TTC27: variants seen among roughly 807,000 people sequenced by gnomAD.
TTC27 encodes the protein tetratricopeptide repeat protein 27.
TTC27 carries 79 observed loss-of-function variants against 115.9 expected under a neutral mutation model. The observed-to-expected ratio is 0.68, with a 90% CI of 0.57 to 0.82. The LOEUF (loss-of-function observed/expected upper bound fraction) is 0.82. Ranked by LOEUF, TTC27 falls within the 40% of genes least tolerant of loss-of-function variation. The probability of loss-of-function intolerance (pLI) is 0.00; values close to 1 mark genes in which losing one functional copy is unlikely to be tolerated. For synonymous variants in TTC27, 401 were observed against 356.0 expected (o/e 1.13, Z -1.42); for missense variants, 1,054 against 993.1 (o/e 1.06, Z -0.82).
intron 15 of TTC27, among the ~76,000 whole-genome samples, chr2:32,784,397 G>C (rs1670282159): frequency 6.6e-6 from 1 of 152,106 alleles, no homozygotes; most frequent in African/African-American, 2.4e-5. Flanking sequence ...TAATGGGATT[G>C]TTACTTCTGA....
chr2:32,712,628 C>T (rs923584133), intron 10 of TTC27, among the ~76,000 whole-genome samples: 6 of 151,650 alleles, frequency 4.0e-5, no homozygotes, highest in Admixed American at 1.3e-4. Flanking sequence ...GGCATGATCT[C>T]GGGACTGCGA....
intron 13 of TTC27, among the ~76,000 whole-genome samples, chr2:32,762,276 AG>A (rs1420343401): frequency 7.3e-6 from 1 of 136,236 alleles, no homozygotes; most frequent in Non-Finnish European, 1.6e-5. Flanking sequence ...CACAGAGAGA[AG>A]TGTGTGTGTG....
chr2:32,768,320 C>T (rs1444004204), intron 13 of TTC27, among the ~76,000 whole-genome samples: 1 of 152,070 alleles, frequency 6.6e-6, no homozygotes, highest in African/African-American at 2.4e-5. Flanking sequence ...GGAGTAAAAC[C>T]AATTTATTGA....
intron 4 of TTC27, among the ~76,000 whole-genome samples, chr2:32,647,128 G>A (rs1664896073): frequency 6.6e-6 from 1 of 151,776 alleles, no homozygotes. Context: ...AACAATTTTT[G>A]TAGAAATGGG....
chr2:32,777,333 C>T (rs560428861), intron 13 of TTC27, among the ~76,000 whole-genome samples: 1 of 152,370 alleles, frequency 6.6e-6, no homozygotes, highest in East Asian at 1.9e-4. Context: ...TCACCGCCCC[C>T]AACCCCAATA....
At chr2:32,779,529 A>G (rs1233658450) in intron 14 of TTC27, among the ~76,000 whole-genome samples, 3 of 151,720 alleles carry the variant, frequency 2.0e-5, no homozygotes, top group Admixed American at 6.6e-5. Context: ...AGTTCTTTCT[A>G]TATTCTAGCT....
chr2:32,676,573 C>T (rs2151886760), intron 8 of TTC27, among the ~76,000 whole-genome samples: 1 of 146,248 alleles, frequency 6.8e-6, no homozygotes, highest in African/African-American at 2.5e-5. Flanking sequence ...CTCACTGCAA[C>T]CTCTGCGTCC....
chr2:32,685,747 G>A (rs1436515897), intron 9 of TTC27, among the ~76,000 whole-genome samples: 1 of 152,178 alleles, frequency 6.6e-6, no homozygotes, highest in African/African-American at 2.4e-5. Flanking sequence ...AGTGCATCTA[G>A]CTAAAATCAT....
At chr2:32,763,782 C>T (rs1669527229) in intron 13 of TTC27, among the ~76,000 whole-genome samples, 1 of 152,190 alleles carries the variant, frequency 6.6e-6, no homozygotes, top group South Asian at 2.1e-4. Flanking sequence ...CTATTGTTCA[C>T]TTATACCCAC....
chr2:32,775,409 A>G (rs1032656972), intron 13 of TTC27, among the ~76,000 whole-genome samples: 11 of 152,174 alleles, frequency 7.2e-5, no homozygotes, highest in African/African-American at 2.4e-4. Context: ...CGTGTTAGCC[A>G]GGATGGTCTC....
chr2:32,702,021 A>AAAACG (rs1667203185), intron 9 of TTC27, among the ~76,000 whole-genome samples: 1 of 20,528 alleles, frequency 4.9e-5, no homozygotes, highest in Non-Finnish European at 1.1e-4. Flanking sequence ...AAAAAAAAAA[A>AAAACG]AAAACAAAAA....
intron 10 of TTC27, among the ~76,000 whole-genome samples, chr2:32,708,316 T>G (rs1667454792): frequency 7.5e-6 from 1 of 133,342 alleles, no homozygotes; most frequent in Admixed American, 7.4e-5. Flanking sequence ...TTTTTTTTTT[T>G]TTTTTTTTTT....
At chr2:32,761,829 G>C (rs1669446991) in intron 13 of TTC27, among the ~76,000 whole-genome samples, 1 of 152,074 alleles carries the variant, frequency 6.6e-6, no homozygotes, top group Non-Finnish European at 1.5e-5. Flanking sequence ...GTCTTCACTA[G>C]AATGTAAGGC....
chr2:32,674,939 G>A (rs1023037683), intron 8 of TTC27, among the ~76,000 whole-genome samples: 9 of 152,132 alleles, frequency 5.9e-5, no homozygotes, highest in African/African-American at 1.9e-4. Flanking sequence ...TGGGATTACA[G>A]GCGTGAGCCA....
At chr2:32,701,892 T>G (rs987626380) in intron 9 of TTC27, among the ~76,000 whole-genome samples, 2 of 151,654 alleles carry the variant, frequency 1.3e-5, no homozygotes, top group African/African-American at 4.8e-5. Context: ...AGGCCTGCCG[T>G]CCAAGCTACT....
chr2:32,818,357 A>G (rs1412872181), intron 19 of TTC27, among the ~76,000 whole-genome samples: 2 of 152,244 alleles, frequency 1.3e-5, no homozygotes, highest in Non-Finnish European at 2.9e-5. Flanking sequence ...TTAGATAAAA[A>G]TATTAAGTAG....
Position 32,817,571 on chromosome 2 carries a change from G to C in TTC27, c.2409+14G>C, listed in dbSNP as rs1671547744. On this transcript the variant is annotated intron_variant, in intron 19 of 19. Transcript: ENST00000317907. ...TCTAAAGCAAAGGTGAGAGTGACATGTGAATTAATTGGAATTGTCATATAG... is the reference window on the plus strand; with the variant it reads ...TCTAAAGCAAAGGTGAGAGTGACATCTGAATTAATTGGAATTGTCATATAG... The C allele has an allele frequency of 6.2e-7, 1 of 1,601,902 alleles. No homozygotes were observed. The highest frequency in any genetic ancestry group is 1.3e-5 in the African/African-American group (1 of 74,642).
At chr2:32,794,046 C>T (rs220660) in intron 16 of TTC27, among the ~76,000 whole-genome samples, 28,341 of 151,930 alleles carry the variant, frequency 0.19, 2,718 homozygotes, top group Admixed American at 0.25. Context: ...ACATCAACAA[C>T]CAAAAGGGGT....
At chr2:32,807,322 T>C (rs1671164908) in intron 16 of TTC27, among the ~76,000 whole-genome samples, 1 of 152,084 alleles carries the variant, frequency 6.6e-6, no homozygotes, top group South Asian at 2.1e-4. Context: ...TACCCCTCCT[T>C]ACTCTTCAAA....
Sources: allele counts gnomAD v4.1 joint callset (sites outside exome capture counted in the v4.1 genomes callset), GRCh38; gene constraint gnomAD v4.1.1; transcripts MANE v1.5; gene names NCBI Gene and HGNC (gene_info 2026-07-23, HGNC 2026-07-21).